TXNDC9: variants seen among roughly 807,000 people sequenced by gnomAD.
TXNDC9 encodes thioredoxin domain-containing protein 9.
Under a neutral mutation model 23.0 loss-of-function variants are expected in TXNDC9, and 7 were observed. That is an observed-to-expected ratio of 0.30 (90% confidence interval 0.17 to 0.57). The LOEUF (loss-of-function observed/expected upper bound fraction) is 0.57. TXNDC9 is among the 20% of genes least tolerant of loss of function. The pLI is 0.90. For synonymous variants in TXNDC9, 72 were observed against 90.6 expected, an observed-to-expected ratio of 0.79 and a Z score of 1.17; for missense variants, 198 against 252.6, an observed-to-expected ratio of 0.78 and a Z score of 1.47.
downstream of TXNDC9, among the ~76,000 whole-genome samples, chr2:99,314,630 A>G (rs2094184462): frequency 7.2e-6 from 1 of 138,062 alleles, no homozygotes; most frequent in South Asian, 2.3e-4. Context: ...TCCTGGGTTC[A>G]TGCAACTCTC....
chr2:99,321,118 A>C (rs1041516745), intron 4 of TXNDC9: 5 of 152,056 alleles, frequency 3.3e-5, no homozygotes, highest in African/African-American at 1.2e-4. Flanking sequence ...TTTTATGTTA[A>C]TATTAAGGAA....
rs951370916 is a variant in TXNDC9 at position 99,327,767 on chromosome 2, AAAG to A, written c.190-117_190-115del. On this transcript the variant is annotated intron_variant, in intron 2 of 4. Transcript: ENST00000264255. ...TTTGTAATGAAGTCAATTAAAAAAA[AAAG>A]TTTTTTTTTTGTTTGTTTTTGTTTT... 5.9e-6 allele frequency: 4 copies of A among 682,052 alleles called. No homozygotes were observed. The African/African-American group carries it at 7.6e-5, about 13-fold the overall frequency. The allele number at this position is 682,052 out of a possible 1,614,324, so 42.3% of individuals were successfully genotyped here. A position where few individuals can be genotyped will look rare whatever the true frequency, so the allele number is the denominator to read the frequency against.
At chr2:99,307,214 A>G in the TXNDC9 span, among the ~76,000 whole-genome samples, 1 of 150,902 alleles carries the variant, frequency 6.6e-6, no homozygotes, top group Non-Finnish European at 1.5e-5. Flanking sequence ...TCAATGTGTC[A>G]AAGTTAAACT....
chr2:99,330,299 A>AAAAAAAAAAAAAAAC (rs2094221863), intron 2 of TXNDC9, among the ~76,000 whole-genome samples: 1 of 144,888 alleles, frequency 6.9e-6, no homozygotes, highest in African/African-American at 2.5e-5. Context: ...TCAAAAAAAA[A>AAAAAAAAAAAAAAAC]AAAAAAAAAA....
At chr2:99,316,946 C>CG (rs2094190473), downstream of TXNDC9, among the ~76,000 whole-genome samples, 7 of 152,182 alleles carry the variant, frequency 4.6e-5, no homozygotes, top group South Asian at 1.4e-3. Flanking sequence ...TTAGTAGAGA[C>CG]GGGGTTTCAC....
chr2:99,336,055 G>C lies in TXNDC9; in HGVS notation c.-33+184C>G, dbSNP rs573630451. On this transcript the variant is annotated intron_variant, in intron 1 of 4. Coordinates refer to ENST00000264255, the MANE Select transcript of TXNDC9 (RefSeq NM_005783.4). ...CACTCCCTGCGCCCGGGGAAACAGA[G>C]GAAAGCACAGTCCCGGTGGCCCCAA... is the stretch of plus-strand genomic sequence containing the variant. 2.0e-5 allele frequency among the ~76,000 whole-genome samples: 3 copies of C among 152,364 alleles called. No individual in the cohort carries two copies. In the South Asian group the frequency reaches 6.2e-4, roughly 32 times the overall value.
At chr2:99,312,565 A>AT in the TXNDC9 span, among the ~76,000 whole-genome samples, 31 of 151,928 alleles carry the variant, frequency 2.0e-4, no homozygotes, top group Non-Finnish European at 4.0e-4. Context: ...ACTTTGCATT[A>AT]ATTAGAGAGG....
chr2:99,323,789 G>T (rs186327249), intron 3 of TXNDC9, among the ~76,000 whole-genome samples: 1 of 152,222 alleles, frequency 6.6e-6, no homozygotes, highest in Admixed American at 6.5e-5. Flanking sequence ...ACAGACTATT[G>T]TAACAATCTT....
chr2:99,324,949 T>C (rs1410307115), intron 3 of TXNDC9, among the ~76,000 whole-genome samples: 1 of 152,224 alleles, frequency 6.6e-6, no homozygotes, highest in African/African-American at 2.4e-5. Context: ...TTTCACCATG[T>C]TGGCCAGGAT....
chr2:99,307,923 T>C, the TXNDC9 span, among the ~76,000 whole-genome samples: 3 of 152,032 alleles, frequency 2.0e-5, no homozygotes, highest in Non-Finnish European at 4.4e-5. Context: ...CATTAACCCA[T>C]AGACCATGAG....
chr2:99,323,329 C>T (rs1198594726), intron 3 of TXNDC9, among the ~76,000 whole-genome samples: 1 of 152,012 alleles, frequency 6.6e-6, no homozygotes, highest in Non-Finnish European at 1.5e-5. Context: ...ATCACTTGAA[C>T]CTGGGAGGTG....
At chr2:99,309,056 A>T in the TXNDC9 span, among the ~76,000 whole-genome samples, 1 of 152,080 alleles carries the variant, frequency 6.6e-6, no homozygotes, top group Non-Finnish European at 1.5e-5. Flanking sequence ...AATTTTAAAA[A>T]ATTAAAAAGT....
chr2:99,313,800 C>T, the TXNDC9 span, among the ~76,000 whole-genome samples: 5 of 152,166 alleles, frequency 3.3e-5, no homozygotes, highest in Non-Finnish European at 5.9e-5. Context: ...AAGAGGGTGT[C>T]CTTTTGTCCC....
At chr2:99,327,112 G>A (rs115461369) in intron 3 of TXNDC9, among the ~76,000 whole-genome samples, 1,998 of 151,048 alleles carry the variant, frequency 0.013, 16 homozygotes, top group Middle Eastern at 0.024. Flanking sequence ...TCACTCTATC[G>A]CTCGAGCTGA....
intron 2 of TXNDC9, among the ~76,000 whole-genome samples, chr2:99,329,356 C>T (rs1185910082): frequency 6.6e-6 from 1 of 152,214 alleles, no homozygotes; most frequent in Non-Finnish European, 1.5e-5. Flanking sequence ...AGGATATCAA[C>T]TAAACACACT....
At chr2:99,329,655 AATG>A (rs2094220316) in intron 2 of TXNDC9, among the ~76,000 whole-genome samples, 1 of 152,192 alleles carries the variant, frequency 6.6e-6, no homozygotes, top group Admixed American at 6.5e-5. Flanking sequence ...ACAACTTACC[AATG>A]ATATGTGCCC....
chr2:99,335,410 T>G (rs2094236289), intron 1 of TXNDC9, among the ~76,000 whole-genome samples: 1 of 152,236 alleles, frequency 6.6e-6, no homozygotes, highest in South Asian at 2.1e-4. Context: ...TCAATAAACA[T>G]GTATTTAACG....
chr2:99,316,701 A>C (rs1482484082), downstream of TXNDC9, among the ~76,000 whole-genome samples: 1 of 152,080 alleles, frequency 6.6e-6, no homozygotes, highest in East Asian at 1.9e-4. Flanking sequence ...TGAATTTTTC[A>C]TTACAGTTAC....
chr2:99,317,007 T>C (rs145298691), downstream of TXNDC9, among the ~76,000 whole-genome samples: 925 of 152,294 alleles, frequency 6.1e-3, 21 homozygotes, highest in East Asian at 0.064. Context: ...CCGCCCGCCT[T>C]GGCCTCCCAA....
Sources: allele counts gnomAD v4.1 joint callset (sites outside exome capture counted in the v4.1 genomes callset), GRCh38; gene constraint gnomAD v4.1.1; transcripts MANE v1.5; gene names NCBI Gene and HGNC (gene_info 2026-07-23, HGNC 2026-07-21).